MMP16: variants seen among roughly 807,000 people sequenced by gnomAD.
MMP16 encodes the protein matrix metallopeptidase 16.
Under a neutral mutation model 67.8 loss-of-function variants are expected in MMP16, and 12 were observed. The ratio of observed to expected loss-of-function variants is 0.18; its 90% CI spans 0.11 to 0.29. MMP16 has a LOEUF of 0.29. Ranked by LOEUF, MMP16 falls within the 10% of genes least tolerant of loss-of-function variation. The pLI, the probability that MMP16 is intolerant of heterozygous loss-of-function variation, is 1.00. For synonymous variants in MMP16, 249 were observed against 255.9 expected (o/e 0.97, Z 0.26); for missense variants, 475 against 765.7 (o/e 0.62, Z 4.48).
chr8:88,154,524 A>G (rs2129656883), intron 4 of MMP16, among the ~76,000 whole-genome samples: 1 of 151,604 alleles, frequency 6.6e-6, no homozygotes, highest in African/African-American at 2.4e-5. Flanking sequence ...ACACCATGGA[A>G]TACTATGCAG....
intron 1 of MMP16, among the ~76,000 whole-genome samples, chr8:88,305,407 T>G (rs571225804): frequency 5.3e-5 from 8 of 152,074 alleles, no homozygotes; most frequent in Non-Finnish European, 1.0e-4. Flanking sequence ...ACAAAGATAT[T>G]CGGGACTTGA....
chr8:88,096,500 C>T lies in MMP16; in HGVS notation c.1083+20007G>A, dbSNP rs574636629. Reference sequence around the variant, plus strand: ...TGTATTTCCTGCTTCTAAAATTCTTCAAAGGATCACTGCCATTTTTTTTTG... The same window carrying T: ...TGTATTTCCTGCTTCTAAAATTCTTTAAAGGATCACTGCCATTTTTTTTTG... On this transcript the variant is annotated intron_variant, in intron 6 of 9. Coordinates refer to ENST00000286614, the MANE Select transcript of MMP16 (RefSeq NM_005941.5). 4.8e-5 allele frequency among the ~76,000 whole-genome samples: 7 copies of T among 146,716 alleles called. No individual in the cohort carries two copies. In the East Asian group the frequency reaches 1.2e-3, roughly 25 times the overall value.
At chr8:88,236,251 G>A (rs1430513118) in intron 1 of MMP16, among the ~76,000 whole-genome samples, 5 of 152,218 alleles carry the variant, frequency 3.3e-5, no homozygotes, top group Non-Finnish European at 5.9e-5. Context: ...AAAGTCTGCA[G>A]CGGAATCTAA....
chr8:88,273,151 T>C (rs1172663569), intron 1 of MMP16, among the ~76,000 whole-genome samples: 5 of 151,564 alleles, frequency 3.3e-5, no homozygotes, highest in South Asian at 2.1e-4. Context: ...TGGCACGATC[T>C]AACCTCACTG....
At chr8:88,242,983 A>G (rs1345348200) in intron 1 of MMP16, among the ~76,000 whole-genome samples, 1 of 152,142 alleles carries the variant, frequency 6.6e-6, no homozygotes, top group African/African-American at 2.4e-5. Context: ...AAGTGATGGT[A>G]AACCTGTATG....
chr8:88,289,689 AAC>A (rs4043664), intron 1 of MMP16, among the ~76,000 whole-genome samples: 13,092 of 144,044 alleles, frequency 0.091, 755 homozygotes, highest in East Asian at 0.25. Context: ...TCCTAGAGGA[AAC>A]ACACACACAC....
chr8:88,241,121 T>C (rs962071227), intron 1 of MMP16, among the ~76,000 whole-genome samples: 5 of 151,522 alleles, frequency 3.3e-5, no homozygotes, highest in Admixed American at 6.6e-5. Context: ...CAGACCAAAA[T>C]AGAACTGGGA....
chr8:88,264,164 CAA>C (rs1468163805), intron 1 of MMP16, among the ~76,000 whole-genome samples: 2 of 151,114 alleles, frequency 1.3e-5, no homozygotes, highest in Admixed American at 6.6e-5. Flanking sequence ...TATCAGAAAT[CAA>C]AGAGTGTGCG....
At chr8:88,132,613 T>C (rs562806271) in intron 4 of MMP16, among the ~76,000 whole-genome samples, 1 of 151,918 alleles carries the variant, frequency 6.6e-6, no homozygotes, top group South Asian at 2.1e-4. Context: ...GCTTCCTCCA[T>C]AGTGACTGAT....
At chr8:88,166,474 CTAAAAGT>C (rs1011545544) in intron 4 of MMP16, among the ~76,000 whole-genome samples, 3 of 151,198 alleles carry the variant, frequency 2.0e-5, no homozygotes, top group African/African-American at 7.3e-5. Flanking sequence ...TATTAAGTAA[CTAAAAGT>C]TATTGAGATT....
At chr8:88,179,160 C>A (rs1808939493) in intron 3 of MMP16, among the ~76,000 whole-genome samples, 3 of 151,734 alleles carry the variant, frequency 2.0e-5, no homozygotes, top group Admixed American at 2.0e-4. Context: ...ATATCATATT[C>A]AAAGCAGAAA....
chr8:88,155,557 T>C (rs1808494722), intron 4 of MMP16, among the ~76,000 whole-genome samples: 1 of 152,158 alleles, frequency 6.6e-6, no homozygotes, highest in Admixed American at 6.6e-5. Context: ...TGTATTTTGC[T>C]TTAATTTTCC....
intron 1 of MMP16, among the ~76,000 whole-genome samples, chr8:88,216,741 A>C (rs1809600871): frequency 6.6e-6 from 1 of 152,068 alleles, no homozygotes; most frequent in South Asian, 2.1e-4. Context: ...TTGATGCTGG[A>C]TGCATCTATC....
chr8:88,270,089 T>C (rs74811295), intron 1 of MMP16, among the ~76,000 whole-genome samples: 4,560 of 152,246 alleles, frequency 0.03, 60 homozygotes, highest in South Asian at 0.047. Context: ...GTTACTGCCT[T>C]CTGACCCAGT....
chr8:88,326,461 AG>A (rs1213213009), intron 1 of MMP16, among the ~76,000 whole-genome samples: 8 of 151,880 alleles, frequency 5.3e-5, no homozygotes, highest in African/African-American at 1.7e-4. Context: ...TTGGCGGGGG[AG>A]GGGGAAAGAA....
intron 1 of MMP16, among the ~76,000 whole-genome samples, chr8:88,252,638 C>T (rs1196022212): frequency 6.4e-5 from 5 of 77,852 alleles, no homozygotes; most frequent in Admixed American, 1.8e-4. Flanking sequence ...GGGTTTTCCA[C>T]CTCTTAGCAA....
In MMP16 at chr8:88,235,336, G is replaced by T. The variant is rs1194140538; in HGVS notation, c.133-38030C>A. Among the ~76,000 whole-genome samples the T allele has an allele frequency of 4.7e-5, 7 of 147,382 alleles. No individual in the cohort carries two copies. The Admixed American group carries it at 4.8e-4, about 10-fold the overall frequency. On this transcript the variant is annotated intron_variant, in intron 1 of 9. Transcript: ENST00000286614. ...GAACCTGGGAGGCGGAGGTTGCAGT[G>T]AGCTGAGATCACACCACTGCACTCT...
chr8:88,157,619 T>A (rs937116992), intron 4 of MMP16, among the ~76,000 whole-genome samples: 2 of 151,918 alleles, frequency 1.3e-5, no homozygotes, highest in Non-Finnish European at 2.9e-5. Flanking sequence ...CGGCAAGAAA[T>A]AAAATCAGTT....
intron 7 of MMP16, among the ~76,000 whole-genome samples, chr8:88,073,580 G>C (rs762536760): frequency 6.6e-6 from 1 of 152,074 alleles, no homozygotes; most frequent in Non-Finnish European, 1.5e-5. Context: ...CTCTTTTCTT[G>C]AGGAACAATC....
Sources: gnomAD v4.1 joint callset for allele counts (sites outside exome capture counted in the v4.1 genomes callset) on GRCh38, gnomAD v4.1.1 for gene constraint, MANE v1.5 for transcripts, NCBI Gene and HGNC (gene_info 2026-07-23, HGNC 2026-07-21) for gene names.